The following ERI3 variants were observed in gnomAD, a reference collection of about 807,000 sequenced individuals.
The protein encoded by ERI3 is ERI1 exoribonuclease 3.
In ERI3, 18 loss-of-function variants were observed where a neutral mutation model predicts 44.4. The observed-to-expected ratio is 0.41, with a 90% CI of 0.28 to 0.60. The LOEUF is 0.60. ERI3 is among the 20% of genes least tolerant of loss of function. The pLI is 0.36. For synonymous variants in ERI3, 183 were observed against 164.8 expected, an observed-to-expected ratio of 1.11 and a Z score of -0.84; for missense variants, 294 against 435.5, an observed-to-expected ratio of 0.68 and a Z score of 2.89.
rs1301482273 is a variant in ERI3 at position 44,329,126 on chromosome 1, AG to A, written c.490-9383del. On this transcript the variant is annotated intron_variant, in intron 3 of 8. Transcript: ENST00000372257. ...TCCAGAAAAAAACCTTCCTCTGTCCAGATGAACCAAAAAGCAGGACTGGGTA... is the reference window on the plus strand; with the variant it reads ...TCCAGAAAAAAACCTTCCTCTGTCCAATGAACCAAAAAGCAGGACTGGGTA... Among the ~76,000 whole-genome samples the A allele has an allele frequency of 2.0e-5, 3 of 152,314 alleles. No individual in the cohort carries two copies. The South Asian group carries it at 6.2e-4, about 32-fold the overall frequency.
At chr1:44,298,992 G>C (rs1645667806) in intron 6 of ERI3, among the ~76,000 whole-genome samples, 1 of 152,192 alleles carries the variant, frequency 6.6e-6, no homozygotes, top group African/African-American at 2.4e-5. Flanking sequence ...ACAGAAGTCA[G>C]AACGGTGGTT....
chr1:44,259,912 T>TAGAC (rs1420877757), intron 7 of ERI3, among the ~76,000 whole-genome samples: 1,461 of 142,114 alleles, frequency 0.01, 29 homozygotes, highest in African/African-American at 0.039. Flanking sequence ...GATAGATAGA[T>TAGAC]AGATAGATAG....
intron 6 of ERI3, among the ~76,000 whole-genome samples, chr1:44,285,485 T>C (rs1244212257): frequency 6.6e-6 from 1 of 152,236 alleles, no homozygotes; most frequent in Non-Finnish European, 1.5e-5. Flanking sequence ...TTTAAGCCTC[T>C]GGCTACAGGT....
chr1:44,248,487 C>G (rs1366112766), intron 7 of ERI3, among the ~76,000 whole-genome samples: 1 of 152,140 alleles, frequency 6.6e-6, no homozygotes, highest in African/African-American at 2.4e-5. Flanking sequence ...CCAGTGCATC[C>G]AAACTGCACT....
intron 2 of ERI3, among the ~76,000 whole-genome samples, chr1:44,350,723 T>C (rs1365061262): frequency 6.6e-6 from 1 of 152,224 alleles, no homozygotes; most frequent in Non-Finnish European, 1.5e-5. Context: ...TATACTCTTT[T>C]TTTTATTTAT....
At chr1:44,259,920 T>C (rs2799476) in intron 7 of ERI3, among the ~76,000 whole-genome samples, 25,437 of 128,014 alleles carry the variant, frequency 0.2, 2,361 homozygotes, top group African/African-American at 0.34. Context: ...GATAGATAGA[T>C]AGACAGACAG....
intron 7 of ERI3, among the ~76,000 whole-genome samples, chr1:44,264,780 C>G (rs888664411): frequency 7.2e-5 from 11 of 152,240 alleles, no homozygotes; most frequent in African/African-American, 2.7e-4. Context: ...CACGCTGATG[C>G]ATCTCCACAT....
intron 6 of ERI3, among the ~76,000 whole-genome samples, chr1:44,304,174 C>T (rs1351417715): frequency 2.0e-5 from 3 of 152,002 alleles, no homozygotes; most frequent in African/African-American, 7.3e-5. Flanking sequence ...TAGCTGGATA[C>T]GCAGGTGTGG....
At chr1:44,351,787 A>G (rs576328799) in intron 2 of ERI3, among the ~76,000 whole-genome samples, 1 of 151,994 alleles carries the variant, frequency 6.6e-6, no homozygotes, top group African/African-American at 2.4e-5. Flanking sequence ...ACTTTCTCAA[A>G]TTCAACAAAG....
At chr1:44,336,895 G>A (rs1471392081) in intron 3 of ERI3, among the ~76,000 whole-genome samples, 1 of 152,198 alleles carries the variant, frequency 6.6e-6, no homozygotes, top group Non-Finnish European at 1.5e-5. Flanking sequence ...CCAGACCCTG[G>A]TAAACAATGT....
rs753391317 is a variant in ERI3, at chr1:44,228,619, G to T, written c.932-6979C>A. 1.3e-4 allele frequency among the ~76,000 whole-genome samples: 20 copies of T among 152,170 alleles called. No homozygotes were observed. The highest frequency in any genetic ancestry group is 2.2e-4 in the Non-Finnish European group (15 of 68,028). ...CAAACACTTACCGCCGCTCCTGGAG[G>T]CCAGGCATGGAAATGAGGCCATTAC... On this transcript the variant is annotated intron_variant, in intron 8 of 8. Coordinates refer to ENST00000372257, the MANE Select transcript of ERI3 (RefSeq NM_024066.3). The surrounding 1 kb of genome is among the most constrained non-coding windows in gnomAD (Gnocchi z 4.3).
At chr1:44,318,883 G>A (rs1162346189) in intron 4 of ERI3, among the ~76,000 whole-genome samples, 1 of 152,206 alleles carries the variant, frequency 6.6e-6, no homozygotes, top group African/African-American at 2.4e-5. Context: ...GGCCACCACT[G>A]AGTGCATTAC....
intron 6 of ERI3, among the ~76,000 whole-genome samples, chr1:44,293,402 G>A (rs1026530782): frequency 3.9e-5 from 6 of 152,220 alleles, no homozygotes; most frequent in Non-Finnish European, 8.8e-5. Flanking sequence ...AGGATAAGAA[G>A]GAAAGGCCTG....
chr1:44,299,480 C>T (rs1420212985), intron 6 of ERI3, among the ~76,000 whole-genome samples: 4 of 152,138 alleles, frequency 2.6e-5, no homozygotes, highest in African/African-American at 9.7e-5. Flanking sequence ...GCCACTATAC[C>T]AGACCTCAAT....
intron 2 of ERI3, among the ~76,000 whole-genome samples, chr1:44,341,652 T>C (rs377108021): frequency 1.3e-5 from 2 of 152,168 alleles, no homozygotes; most frequent in East Asian, 3.9e-4. Context: ...TGTGGGAGGC[T>C]GAGGCAGAAG....
At chr1:44,313,278 C>G in intron 4 of ERI3, 50 bp from the exon 5 acceptor site, 1 of 1,563,702 alleles carries the variant, frequency 6.4e-7, no homozygotes, top group Non-Finnish European at 8.8e-7. Flanking sequence ...GGTGAAGGGA[C>G]TCAAGGCTGA....
chr1:44,288,617 A>G (rs1645441014), intron 6 of ERI3, among the ~76,000 whole-genome samples: 1 of 152,316 alleles, frequency 6.6e-6, no homozygotes, highest in Admixed American at 6.5e-5. Context: ...GCTCAATCAT[A>G]CAACAAGGCA....
intron 5 of ERI3, among the ~76,000 whole-genome samples, chr1:44,310,961 GCGCACACACACACACACACACA>G (rs1282108464): frequency 5.9e-5 from 5 of 84,700 alleles, no homozygotes; most frequent in African/African-American, 2.3e-4. Context: ...TCGCGCGCGC[GCGCACACACACACACACACACA>G]CACACACACA....
chr1:44,283,373 C>A (rs1197083116), intron 7 of ERI3, among the ~76,000 whole-genome samples: 1 of 152,216 alleles, frequency 6.6e-6, no homozygotes, highest in Non-Finnish European at 1.5e-5. Context: ...CACATGGATT[C>A]AGTTTCAACT....
Sources: allele counts gnomAD v4.1 joint callset (sites outside exome capture counted in the v4.1 genomes callset), GRCh38; gene constraint gnomAD v4.1.1; non-coding constraint Gnocchi (gnomAD v3.1); transcripts MANE v1.5; gene names NCBI Gene and HGNC (gene_info 2026-07-23, HGNC 2026-07-21).